The following ADAMTSL1 variants were observed in gnomAD, a reference collection of about 807,000 sequenced individuals.
The protein encoded by ADAMTSL1 is ADAMTS-like protein 1.
ADAMTSL1 carries 126 observed loss-of-function variants against 201.8 expected under a neutral mutation model. The observed-to-expected ratio is 0.62, with a 90% CI of 0.54 to 0.72. The LOEUF (loss-of-function observed/expected upper bound fraction) is 0.72, where lower values mean the gene tolerates loss of function less well. Among genes scored for constraint, ADAMTSL1 ranks in the 30% least tolerant of loss-of-function variants. The pLI, the probability that ADAMTSL1 is intolerant of heterozygous loss-of-function variation, is 0.00. For synonymous variants in ADAMTSL1, 1,121 were observed against 903.4 expected, an observed-to-expected ratio of 1.24 and a Z score of -4.32; for missense variants, 2,679 against 2,277.8, an observed-to-expected ratio of 1.18 and a Z score of -3.59.
chr9:17,988,781 G>A (rs887396743), intron 1 of ADAMTSL1, among the ~76,000 whole-genome samples: 2 of 151,800 alleles, frequency 1.3e-5, no homozygotes, highest in African/African-American at 2.4e-5. Flanking sequence ...CATAGTGAAC[G>A]TGTTAGAATA....
At chr9:18,496,893 A>G (rs1423607698) in intron 1 of ADAMTSL1, among the ~76,000 whole-genome samples, 1 of 152,234 alleles carries the variant, frequency 6.6e-6, no homozygotes, top group East Asian at 1.9e-4. Flanking sequence ...ATTAGATGGA[A>G]GTGGAAACTA....
chr9:18,055,876 C>T (rs1222295526), intron 1 of ADAMTSL1, among the ~76,000 whole-genome samples: 2 of 152,150 alleles, frequency 1.3e-5, no homozygotes, highest in African/African-American at 2.4e-5. Flanking sequence ...GGCTTGAAGC[C>T]CCTGTGAGGC....
chr9:18,850,229 G>T (rs1217192481), intron 23 of ADAMTSL1, among the ~76,000 whole-genome samples: 6 of 152,180 alleles, frequency 3.9e-5, no homozygotes. Context: ...CCAGGCCCAT[G>T]TGCCCTCCCT....
chr9:18,353,214 C>T (rs953998461), intron 2 of ADAMTSL1, among the ~76,000 whole-genome samples: 1 of 152,212 alleles, frequency 6.6e-6, no homozygotes, highest in Admixed American at 6.5e-5. Flanking sequence ...AGTGCTTCTT[C>T]ATCACTGTGT....
At chr9:18,332,741 A>T (rs1246562535) in intron 2 of ADAMTSL1, among the ~76,000 whole-genome samples, 1 of 152,208 alleles carries the variant, frequency 6.6e-6, no homozygotes, top group Non-Finnish European at 1.5e-5. Context: ...CTATATAGTT[A>T]TTTCCCTAGG....
At chr9:18,655,806 TAAAAAAAAAAAAAAAAAA>T (rs56662538) in intron 7 of ADAMTSL1, among the ~76,000 whole-genome samples, 5 of 81,868 alleles carry the variant, frequency 6.1e-5, no homozygotes, top group East Asian at 3.8e-4. Context: ...TTTGTGAGCT[TAAAAAAAAAAAAAAAAAA>T]AAAAAAAAAA....
chr9:18,814,654 G>A (rs1275256391), intron 20 of ADAMTSL1, among the ~76,000 whole-genome samples: 1 of 152,166 alleles, frequency 6.6e-6, no homozygotes, highest in Non-Finnish European at 1.5e-5. Flanking sequence ...AATACTGCAT[G>A]TTCTCACCTA....
chr9:18,681,764 A>C, intron 11 of ADAMTSL1, 48 bp from the exon 12 acceptor site: 1 of 1,474,208 alleles, frequency 6.8e-7, no homozygotes, highest in African/African-American at 1.4e-5. Context: ...AAGAAAAGTA[A>C]ACAAGGCTTT....
intron 2 of ADAMTSL1, among the ~76,000 whole-genome samples, chr9:18,351,329 C>G (rs1260224046): frequency 1.3e-5 from 2 of 151,558 alleles, no homozygotes; most frequent in Non-Finnish European, 2.9e-5. Context: ...AACAATTTGC[C>G]AAAGGTGTTT....
intron 2 of ADAMTSL1, among the ~76,000 whole-genome samples, chr9:18,314,779 G>C (rs11999378): frequency 0.18 from 19,557 of 106,510 alleles, 1,583 homozygotes; most frequent in Middle Eastern, 0.26. Flanking sequence ...CTTCGGCAGC[G>C]TGCTTTTTTT....
rs373033079 is a variant in ADAMTSL1 at position 18,369,039 on chromosome 9, A to G, written c.208-135790A>G. On this transcript the variant is annotated intron_variant, in intron 2 of 29. Coordinates refer to the ADAMTSL1 transcript ENST00000680146. ...CTTGCAGATGTGTCTAAATATGTCAATGAAAGGAACTGGAACTGTGTAATG... is the reference window on the plus strand; with the variant it reads ...CTTGCAGATGTGTCTAAATATGTCAGTGAAAGGAACTGGAACTGTGTAATG... Among the ~76,000 whole-genome samples, 9 of 152,348 alleles carry G rather than the reference A, an allele frequency of 5.9e-5. No individual in the cohort carries two copies. In the East Asian group the frequency reaches 1.7e-3, roughly 29 times the overall value.
At chr9:18,743,789 A>G (rs1818978920) in intron 15 of ADAMTSL1, among the ~76,000 whole-genome samples, 3 of 152,198 alleles carry the variant, frequency 2.0e-5, no homozygotes, top group South Asian at 4.1e-4. Flanking sequence ...AATGTCTAAT[A>G]TCTCCTTTGA....
intron 1 of ADAMTSL1, among the ~76,000 whole-genome samples, chr9:17,922,025 G>A (rs1826321852): frequency 6.6e-6 from 1 of 150,678 alleles, no homozygotes; most frequent in Non-Finnish European, 1.5e-5. Context: ...ATAAAGATCT[G>A]GCCTTGAAAT....
At chr9:18,164,726 C>T (rs186021104) in intron 2 of ADAMTSL1, among the ~76,000 whole-genome samples, 16 of 151,750 alleles carry the variant, frequency 1.1e-4, no homozygotes, top group African/African-American at 3.4e-4. Context: ...AGGGTAGGAT[C>T]GCAGAAAATA....
intron 1 of ADAMTSL1, among the ~76,000 whole-genome samples, chr9:18,085,652 A>G (rs1213522588): frequency 6.9e-6 from 1 of 144,712 alleles, no homozygotes; most frequent in East Asian, 2.0e-4. Flanking sequence ...ATATACATAT[A>G]CTCTGTGTGT....
chr9:18,276,452 A>T (rs577080319), intron 2 of ADAMTSL1, among the ~76,000 whole-genome samples: 1 of 152,220 alleles, frequency 6.6e-6, no homozygotes, highest in African/African-American at 2.4e-5. Flanking sequence ...TTTCTTCTCA[A>T]AGTTTTATAG....
At position 18,287,667 on chromosome 9, in the gene ADAMTSL1, A is replaced by G. The variant is rs184761304; in HGVS notation, c.207+123686A>G. On this transcript the variant is annotated intron_variant, in intron 2 of 29. Coordinates refer to the ADAMTSL1 transcript ENST00000680146. Reference sequence around the variant, plus strand: ...TGTGTATACATATACACATATATGTATGTGTATACATACATAAATATATTA... The same window carrying G: ...TGTGTATACATATACACATATATGTGTGTGTATACATACATAAATATATTA... Among the ~76,000 whole-genome samples the G allele has an allele frequency of 2.2e-3, 338 of 151,136 alleles. 1 individual carries two copies. Among genetic ancestry groups the G allele is most frequent in the African/African-American group, 7.3e-3 (301 of 41,024 alleles).
At chr9:18,675,666 T>G (rs1427643429) in intron 9 of ADAMTSL1, among the ~76,000 whole-genome samples, 191 bp from the exon 10 acceptor site, 1 of 152,146 alleles carries the variant, frequency 6.6e-6, no homozygotes, top group Admixed American at 6.5e-5. Flanking sequence ...TGGTGCCCTT[T>G]CAAAGAACTT....
chr9:18,877,311 T>C (rs186252528), intron 23 of ADAMTSL1, among the ~76,000 whole-genome samples: 1 of 152,328 alleles, frequency 6.6e-6, no homozygotes, highest in Admixed American at 6.5e-5. Context: ...GAGTGTTTTG[T>C]CATAATACCA....
Sources: allele counts gnomAD v4.1 joint callset (sites outside exome capture counted in the v4.1 genomes callset), GRCh38; gene constraint gnomAD v4.1.1; transcripts MANE v1.5; gene names NCBI Gene and HGNC (gene_info 2026-07-23, HGNC 2026-07-21).